The following FILIP1L variants were observed in gnomAD, a reference collection of about 807,000 sequenced individuals.
FILIP1L encodes filamin A-interacting protein 1-like.
FILIP1L carries 55 observed loss-of-function variants against 96.6 expected under a neutral mutation model. The observed-to-expected ratio is 0.57, with a 90% CI of 0.46 to 0.71. The LOEUF is 0.71. Ranked by LOEUF, FILIP1L falls within the 30% of genes least tolerant of loss-of-function variation. The pLI is 0.00. For synonymous variants in FILIP1L, 467 were observed against 473.9 expected (o/e 0.99, Z 0.19); for missense variants, 1,304 against 1,321.2 (o/e 0.99, Z 0.20).
chr3:99,977,294 CA>C (rs1444238533), intron 1 of FILIP1L, among the ~76,000 whole-genome samples: 1 of 151,930 alleles, frequency 6.6e-6, no homozygotes, highest in Admixed American at 6.6e-5. Flanking sequence ...AGACTTAGAC[CA>C]GGAAATAACA....
chr3:99,940,404 A>G (rs1356205534), intron 1 of FILIP1L, among the ~76,000 whole-genome samples: 1 of 152,254 alleles, frequency 6.6e-6, no homozygotes, highest in Non-Finnish European at 1.5e-5. Flanking sequence ...TTAGAAATAC[A>G]GTGATAATGA....
chr3:99,873,407 G>A (rs151187487), intron 4 of FILIP1L, among the ~76,000 whole-genome samples: 2 of 152,304 alleles, frequency 1.3e-5, no homozygotes, highest in African/African-American at 4.8e-5. Context: ...CCTGAAGCAG[G>A]TTGAGACCAA....
chr3:99,859,292 G>A (rs1452688729), intron 4 of FILIP1L, among the ~76,000 whole-genome samples: 4 of 152,196 alleles, frequency 2.6e-5, no homozygotes, highest in African/African-American at 9.7e-5. Context: ...CCCAAAACCT[G>A]CCTGTATTCT....
At chr3:100,047,635 T>A (rs2065298583) in intron 1 of FILIP1L, among the ~76,000 whole-genome samples, 1 of 152,224 alleles carries the variant, frequency 6.6e-6, no homozygotes, top group Admixed American at 6.5e-5. Flanking sequence ...TGCAGGTGTC[T>A]GTCAAGAGAC....
chr3:100,020,760 CTTT>C (rs34665880), intron 1 of FILIP1L, among the ~76,000 whole-genome samples: 139 of 70,964 alleles, frequency 2.0e-3, no homozygotes, highest in African/African-American at 7.3e-3. Flanking sequence ...GAATAATTAG[CTTT>C]TTTTTTTTTT....
At chr3:99,993,867 T>C (rs1047041646) in intron 1 of FILIP1L, among the ~76,000 whole-genome samples, 4 of 152,192 alleles carry the variant, frequency 2.6e-5, no homozygotes, top group African/African-American at 9.6e-5. Context: ...ACTGGTTGAT[T>C]TTATTTACTA....
At chr3:99,854,870 G>C (rs1559661113) in intron 4 of FILIP1L, among the ~76,000 whole-genome samples, 1 of 152,178 alleles carries the variant, frequency 6.6e-6, no homozygotes, top group Admixed American at 6.5e-5. Flanking sequence ...TATCTTCCCT[G>C]CTAGTGGCCT....
At chr3:100,111,069 C>T (rs2107476910) in intron 1 of FILIP1L, among the ~76,000 whole-genome samples, 1 of 152,176 alleles carries the variant, frequency 6.6e-6, no homozygotes, top group South Asian at 2.1e-4. Context: ...CCCAGTTCGC[C>T]ATATTCTACT....
intron 1 of FILIP1L, among the ~76,000 whole-genome samples, chr3:99,950,236 A>G (rs549511749): frequency 5.7e-4 from 87 of 152,300 alleles, no homozygotes; most frequent in Admixed American, 1.9e-3. Context: ...CTCTGTGTCC[A>G]TGCTATGTAT....
chr3:100,031,567 A>T (rs1231662157), intron 1 of FILIP1L, among the ~76,000 whole-genome samples: 1 of 152,124 alleles, frequency 6.6e-6, no homozygotes, highest in Non-Finnish European at 1.5e-5. Context: ...TGAGCATAAA[A>T]ACCCAACACC....
chr3:100,002,958 C>T (rs1709885656), intron 1 of FILIP1L, among the ~76,000 whole-genome samples: 1 of 152,188 alleles, frequency 6.6e-6, no homozygotes, highest in South Asian at 2.1e-4. Context: ...TGGGTTGCAT[C>T]AGAGTCCAGG....
chr3:99,991,871 T>C (rs1205852541), intron 1 of FILIP1L, among the ~76,000 whole-genome samples: 10 of 149,958 alleles, frequency 6.7e-5, no homozygotes, highest in Non-Finnish European at 7.4e-5. Context: ...TGTATATATA[T>C]ACACACATAT....
At chr3:100,083,183 A>T (rs951158476) in intron 1 of FILIP1L, among the ~76,000 whole-genome samples, 3 of 152,210 alleles carry the variant, frequency 2.0e-5, no homozygotes, top group African/African-American at 7.2e-5. Context: ...ATGCTTCAGG[A>T]TATTCAACAT....
intron 4 of FILIP1L, among the ~76,000 whole-genome samples, chr3:99,857,762 G>A (rs1413891415): frequency 1.3e-5 from 2 of 152,198 alleles, no homozygotes; most frequent in Non-Finnish European, 2.9e-5. Flanking sequence ...CCTGTAAATA[G>A]AGAATAACTT....
At chr3:99,900,551 C>CAT (rs1706402006) in intron 4 of FILIP1L, among the ~76,000 whole-genome samples, 1 of 152,168 alleles carries the variant, frequency 6.6e-6, no homozygotes, top group Non-Finnish European at 1.5e-5. Context: ...CCCCAAATGC[C>CAT]ATACCTTTAG....
intron 1 of FILIP1L, among the ~76,000 whole-genome samples, chr3:100,070,163 C>A (rs1224168662): frequency 6.6e-6 from 1 of 152,190 alleles, no homozygotes; most frequent in Non-Finnish European, 1.5e-5. Flanking sequence ...ATTCCTGTTA[C>A]AGCCAGAGCA....
intron 1 of FILIP1L, among the ~76,000 whole-genome samples, chr3:100,007,617 A>G (rs1317150712): frequency 3.9e-5 from 6 of 152,204 alleles, no homozygotes; most frequent in Admixed American, 3.9e-4. Context: ...ATTGGCCCAG[A>G]AAGTGTACAG....
intron 1 of FILIP1L, among the ~76,000 whole-genome samples, chr3:100,055,089 T>G (rs2065441884): frequency 6.6e-6 from 1 of 152,182 alleles, no homozygotes; most frequent in African/African-American, 2.4e-5. Context: ...GGAAGTCTCC[T>G]GCCTCAGACT....
rs71907944 is a variant in FILIP1L at position 100,062,093 on chromosome 3, CTTTTTTTTTTTT to C, written c.-11+51948_-11+51959del. ...CCACTTGTGGTTATCCTGTCTTCTT[CTTTTTTTTTTTT>C]TTTTTTTTTTTTTTTTTTTTTTTTG... On this transcript the variant is annotated intron_variant, in intron 1 of 5. Coordinates refer to ENST00000477258, the MANE Select transcript of FILIP1L (RefSeq NM_001387850.1). 5.7e-3 allele frequency among the ~76,000 whole-genome samples: 301 copies of C among 53,180 alleles called. 1 individual carries two copies. Among genetic ancestry groups the C allele is most frequent in the African/African-American group, 0.024 (268 of 11,246 alleles). 34.9% of individuals were successfully genotyped at this position (53,180 alleles called of 152,430 possible). A position where few individuals can be genotyped will look rare whatever the true frequency, so the allele number is the denominator to read the frequency against.
Sources: gnomAD v4.1 joint callset for allele counts (sites outside exome capture counted in the v4.1 genomes callset) on GRCh38, gnomAD v4.1.1 for gene constraint, MANE v1.5 for transcripts, NCBI Gene and HGNC (gene_info 2026-07-23, HGNC 2026-07-21) for gene names.